Variants in FBXO11 observed in about 807,000 individuals in gnomAD.
FBXO11 encodes the protein F-box only protein 11.
Under a neutral mutation model 117.0 loss-of-function variants are expected in FBXO11, and 13 were observed. That is an observed-to-expected ratio of 0.11 (90% confidence interval 0.07 to 0.18). FBXO11 has a LOEUF of 0.18. Ranked by LOEUF, FBXO11 falls within the 10% of genes least tolerant of loss-of-function variation. FBXO11 has a pLI of 1.00. For missense variants in FBXO11, 767 were observed against 1,164.4 expected, an observed-to-expected ratio of 0.66 and a Z score of 4.97; for synonymous variants, 490 against 380.5, an observed-to-expected ratio of 1.29 and a Z score of -3.35.
intron 1 of FBXO11, 51 bp downstream of exon 1, chr2:47,905,438 C>T (rs1455362431): frequency 8.2e-5 from 98 of 1,196,584 alleles, no homozygotes; most frequent in Non-Finnish European, 9.9e-5. Flanking sequence ...CCCGGCCTCC[C>T]TTCCCGCGGT....
chr2:47,884,144 G>A (rs931392882), intron 1 of FBXO11, among the ~76,000 whole-genome samples: 6 of 152,076 alleles, frequency 3.9e-5, no homozygotes, highest in African/African-American at 7.2e-5. Context: ...ACTTGAACCC[G>A]GGAGGCAGAG....
intron 1 of FBXO11, among the ~76,000 whole-genome samples, chr2:47,846,231 G>A (rs529594846): frequency 6.6e-6 from 1 of 152,088 alleles, no homozygotes. Context: ...ACTTTAGGAG[G>A]CCCAGGCGGG....
At chr2:47,891,303 C>T (rs1677243785) in intron 1 of FBXO11, among the ~76,000 whole-genome samples, 1 of 152,088 alleles carries the variant, frequency 6.6e-6, no homozygotes, top group Non-Finnish European at 1.5e-5. Context: ...TCCCTTTCAC[C>T]CCTGACAACC....
chr2:47,840,044 C>A (rs999276513), intron 1 of FBXO11, among the ~76,000 whole-genome samples: 3 of 151,610 alleles, frequency 2.0e-5, no homozygotes, highest in Non-Finnish European at 2.9e-5. Context: ...CCTGGGTTCA[C>A]GCCTTTCTCC....
chr2:47,811,355 G>C (rs985355808), intron 18 of FBXO11: 1 of 152,214 alleles, frequency 6.6e-6, no homozygotes, highest in Non-Finnish European at 1.5e-5. Context: ...CTCCCAAGCA[G>C]CTGGGATTAC....
intron 15 of FBXO11, 23 bp from the exon 16 acceptor site, chr2:47,818,887 A>C (rs78809810): frequency 6.4e-7 from 1 of 1,572,260 alleles, no homozygotes; most frequent in South Asian, 1.2e-5. Flanking sequence ...AAAAAAAAAA[A>C]AGCTTTTTCA....
rs1021689213 is a variant in FBXO11 at position 47,906,164 on chromosome 2, G to C, written c.-444C>G. ...GCGGGGGGAGTGGGCGGGCGGGTGAGGAAGGGAGAAAAAGAGAGGGAGAGA... is the reference window on the plus strand; with the variant it reads ...GCGGGGGGAGTGGGCGGGCGGGTGACGAAGGGAGAAAAAGAGAGGGAGAGA... On this transcript the variant is annotated 5_prime_UTR_variant, in exon 1 of 23. Transcript: ENST00000403359. 5.1e-6 allele frequency: 1 copy of C among 196,932 alleles called. No homozygotes were observed. The highest frequency in any genetic ancestry group is 1.0e-5 in the Non-Finnish European group (1 of 95,566). The allele number at this position is 196,932 out of a possible 1,614,324, so 12.2% of individuals were successfully genotyped here. A position where few individuals can be genotyped will look rare whatever the true frequency, so the allele number is the denominator to read the frequency against.
At chr2:47,811,614 C>T (rs953489069) in intron 18 of FBXO11, 1 of 152,212 alleles carries the variant, frequency 6.6e-6, no homozygotes, top group Non-Finnish European at 1.5e-5. Flanking sequence ...ACCTTGGATT[C>T]AGTGTTTAAA....
intron 1 of FBXO11, among the ~76,000 whole-genome samples, chr2:47,854,759 C>T (rs924071044): frequency 1.3e-5 from 2 of 151,946 alleles, no homozygotes; most frequent in African/African-American, 4.8e-5. Context: ...CCAAGGGATG[C>T]TGATGGTGGT....
chr2:47,815,917 C>T (rs1166951115), intron 16 of FBXO11, among the ~76,000 whole-genome samples: 2 of 152,150 alleles, frequency 1.3e-5, no homozygotes, highest in South Asian at 2.1e-4. Context: ...AGTCAAGCCT[C>T]GAGGGCCTTT....
intron 21 of FBXO11, 40 bp downstream of exon 21, chr2:47,809,118 G>C (rs375469915): frequency 7.8e-7 from 1 of 1,278,862 alleles, no homozygotes; most frequent in African/African-American, 1.5e-5. Context: ...AAGGAAATCA[G>C]TCTTCCTCTT....
At chr2:47,857,001 A>G (rs927702307) in intron 1 of FBXO11, among the ~76,000 whole-genome samples, 1 of 152,216 alleles carries the variant, frequency 6.6e-6, no homozygotes, top group East Asian at 1.9e-4. Flanking sequence ...TCAATAGACA[A>G]TGTTTAAATG....
intron 1 of FBXO11, among the ~76,000 whole-genome samples, chr2:47,867,650 G>C (rs112100098): frequency 6.6e-6 from 1 of 152,134 alleles, no homozygotes; most frequent in African/African-American, 2.4e-5. Context: ...AGAACATCAG[G>C]ACCTTAAGCT....
intron 16 of FBXO11, among the ~76,000 whole-genome samples, chr2:47,814,992 G>A (rs560800095): frequency 2.0e-5 from 3 of 152,216 alleles, no homozygotes; most frequent in South Asian, 4.2e-4. Context: ...TTTATCATGA[G>A]GTTGCAGCAA....
At chr2:47,891,142 T>G (rs1235474994) in intron 1 of FBXO11, among the ~76,000 whole-genome samples, 6 of 152,130 alleles carry the variant, frequency 3.9e-5, no homozygotes, top group Non-Finnish European at 5.9e-5. Flanking sequence ...TACTTTATTC[T>G]CATACATGAA....
intron 11 of FBXO11, among the ~76,000 whole-genome samples, chr2:47,823,820 C>A (rs1300656600): frequency 6.6e-6 from 1 of 151,516 alleles, no homozygotes; most frequent in Non-Finnish European, 1.5e-5. Context: ...AAGTAATGAT[C>A]ATGGAAAGAA....
In FBXO11 at chr2:47,833,060, T is replaced by C. The variant is rs139178411; in HGVS notation, c.945A>G (p.Lys315=). Residue 315 remains lysine, a synonymous_variant, in exon 8 of 23, where the codon AAA becomes AAG. Coordinates refer to ENST00000403359, the MANE Select transcript of FBXO11 (RefSeq NM_001190274.2). ...TTTCAATTATAACTTTGTCTGCCAC[T>C]TTCCCAGGTGCTGTGGAGAAGATAT... is the stretch of plus-strand genomic sequence containing the variant. ...PITMIGAAPG[K]VADKVIIENT... is the part of the protein sequence containing the mutation. The C allele has an allele frequency of 6.0e-5, 97 of 1,610,128 alleles. No homozygotes were observed. The highest frequency in any genetic ancestry group is 9.3e-6 in the Non-Finnish European group (11 of 1,176,920).
At chr2:47,880,553 T>C (rs2103898932) in intron 1 of FBXO11, among the ~76,000 whole-genome samples, 1 of 152,374 alleles carries the variant, frequency 6.6e-6, no homozygotes, top group South Asian at 2.1e-4. Flanking sequence ...GTTTCATTTG[T>C]TGAAGCTTGT....
At chr2:47,893,818 G>A (rs1004945192) in intron 1 of FBXO11, among the ~76,000 whole-genome samples, 4 of 152,142 alleles carry the variant, frequency 2.6e-5, no homozygotes, top group African/African-American at 9.7e-5. Flanking sequence ...CCCTGAAGCA[G>A]CTCAGGCTCC....
Sources: allele counts gnomAD v4.1 joint callset (sites outside exome capture counted in the v4.1 genomes callset), GRCh38; gene constraint gnomAD v4.1.1; transcripts MANE v1.5; gene names NCBI Gene and HGNC (gene_info 2026-07-23, HGNC 2026-07-21).